The following NAALADL2 variants were observed in gnomAD, a reference collection of about 807,000 sequenced individuals.
The protein encoded by NAALADL2 is inactive N-acetylated-alpha-linked acidic dipeptidase-like protein 2.
Under a neutral mutation model 87.2 loss-of-function variants are expected in NAALADL2, and 76 were observed. The observed-to-expected ratio is 0.87, with a 90% CI of 0.72 to 1.05. The LOEUF is 1.05. Among genes scored for constraint, NAALADL2 ranks in the 50% least tolerant of loss-of-function variants. NAALADL2 has a pLI of 0.00. For synonymous variants in NAALADL2, 354 were observed against 331.0 expected (o/e 1.07, Z -0.75); for missense variants, 1,089 against 945.8 (o/e 1.15, Z -1.99).
intron 3 of NAALADL2, among the ~76,000 whole-genome samples, chr3:175,242,675 C>A (rs1318375875): frequency 6.6e-6 from 1 of 152,050 alleles, no homozygotes; most frequent in Non-Finnish European, 1.5e-5. Flanking sequence ...AGAATATAGC[C>A]AGCTTGGTCT....
At chr3:175,583,681 A>C (rs1188878277) in intron 10 of NAALADL2, among the ~76,000 whole-genome samples, 3 of 152,240 alleles carry the variant, frequency 2.0e-5, no homozygotes, top group Non-Finnish European at 4.4e-5. Context: ...TCAACAAGAC[A>C]ATGTTCAGAG....
chr3:174,753,587 C>A (rs555531524), intron 3 of NAALADL2, among the ~76,000 whole-genome samples: 1 of 152,238 alleles, frequency 6.6e-6, no homozygotes, highest in Non-Finnish European at 1.5e-5. Flanking sequence ...GGAGACCAGA[C>A]AGCTATGCAA....
rs1439981589 is a variant in NAALADL2 at position 174,668,791 on chromosome 3, T to C, written c.-114-68850T>C. 4.6e-5 allele frequency among the ~76,000 whole-genome samples: 7 copies of C among 152,372 alleles called. No homozygotes were observed. The East Asian group carries it at 1.3e-3, about 29-fold the overall frequency. ...GCTGCATAATATTCCATGGTGTATATGTGCCACATTTTCTTAATCCAGTCT... is the reference window on the plus strand; with the variant it reads ...GCTGCATAATATTCCATGGTGTATACGTGCCACATTTTCTTAATCCAGTCT... On this transcript the variant is annotated intron_variant, in intron 2 of 3. Coordinates refer to the NAALADL2 transcript ENST00000434257.
chr3:175,667,141 AAGAG>A (rs370119641), intron 11 of NAALADL2, among the ~76,000 whole-genome samples: 2,410 of 146,366 alleles, frequency 0.016, 37 homozygotes, highest in Admixed American at 0.038. Context: ...GAAAGAAAGA[AAGAG>A]AGAGAGAGAG....
intron 1 of NAALADL2, among the ~76,000 whole-genome samples, chr3:174,535,995 C>T (rs959985354): frequency 2.6e-5 from 4 of 152,006 alleles, no homozygotes; most frequent in African/African-American, 4.8e-5. Flanking sequence ...GCTCATATTA[C>T]AAAGACTAAT....
At chr3:175,275,318 CTTTCTTAATGTTTTTAGGA>C (rs1410535536) in intron 4 of NAALADL2, among the ~76,000 whole-genome samples, 1 of 152,144 alleles carries the variant, frequency 6.6e-6, no homozygotes, top group Non-Finnish European at 1.5e-5. Flanking sequence ...GAATAAGTGA[CTTTCTTAATGTTTTTAGGA>C]TTTCTTAATG....
intron 8 of NAALADL2, among the ~76,000 whole-genome samples, chr3:175,468,812 T>C (rs891849805): frequency 6.6e-6 from 1 of 152,040 alleles, no homozygotes; most frequent in African/African-American, 2.4e-5. Context: ...CATCAGAGCC[T>C]GTGAGTTGAA....
At chr3:174,640,694 TTC>T (rs1578399373) in intron 2 of NAALADL2, among the ~76,000 whole-genome samples, 1 of 152,190 alleles carries the variant, frequency 6.6e-6, no homozygotes, top group Middle Eastern at 3.2e-3. Context: ...CCTTTAGCTT[TTC>T]TGATGCCAGG....
At chr3:174,666,390 A>G (rs914601919) in intron 2 of NAALADL2, among the ~76,000 whole-genome samples, 2 of 152,186 alleles carry the variant, frequency 1.3e-5, no homozygotes, top group African/African-American at 4.8e-5. Flanking sequence ...TTATTTCTAA[A>G]ACTACATTGT....
chr3:175,507,594 T>G (rs1295100720), intron 9 of NAALADL2, among the ~76,000 whole-genome samples: 3 of 152,074 alleles, frequency 2.0e-5, no homozygotes, highest in Non-Finnish European at 2.9e-5. Context: ...AACTAATTTT[T>G]TGTACTTTTA....
At chr3:174,691,424 T>G (rs1728566388) in intron 2 of NAALADL2, among the ~76,000 whole-genome samples, 2 of 129,640 alleles carry the variant, frequency 1.5e-5, no homozygotes, top group Admixed American at 7.7e-5. Context: ...AAAAAATAAT[T>G]AAATAAAACC....
chr3:175,064,008 T>C (rs943389227), intron 1 of NAALADL2, among the ~76,000 whole-genome samples: 2 of 152,124 alleles, frequency 1.3e-5, no homozygotes, highest in East Asian at 3.9e-4. Flanking sequence ...GTCAAAATTC[T>C]GTGATGGGTA....
At chr3:174,688,193 C>G (rs530501890) in intron 2 of NAALADL2, among the ~76,000 whole-genome samples, 58 of 152,268 alleles carry the variant, frequency 3.8e-4, no homozygotes, top group African/African-American at 1.3e-3. Flanking sequence ...TATGTAAAAT[C>G]TGTTGTCTTG....
chr3:175,339,223 G>A (rs1762341611), intron 5 of NAALADL2, among the ~76,000 whole-genome samples: 1 of 152,200 alleles, frequency 6.6e-6, no homozygotes, highest in Non-Finnish European at 1.5e-5. Flanking sequence ...GAAAGATAGA[G>A]AGCCTGTGTG....
At chr3:174,653,623 G>T (rs1318167481) in intron 2 of NAALADL2, among the ~76,000 whole-genome samples, 1 of 152,132 alleles carries the variant, frequency 6.6e-6, no homozygotes, top group Non-Finnish European at 1.5e-5. Context: ...TAAGGTTTTA[G>T]TGGAAGTAGG....
chr3:174,513,480 CCTTAGACTGTAT>C (rs1309068225), intron 1 of NAALADL2: 6 of 151,936 alleles, frequency 3.9e-5, no homozygotes, highest in African/African-American at 1.5e-4. Context: ...TTCAAATATT[CCTTAGACTGTAT>C]CTGTTTGTTT....
chr3:175,762,569 C>T (rs930155253), intron 13 of NAALADL2, among the ~76,000 whole-genome samples: 24 of 152,196 alleles, frequency 1.6e-4, no homozygotes, highest in Middle Eastern at 6.8e-3. Flanking sequence ...TTCCAAAGCT[C>T]CCCCATATCG....
intron 3 of NAALADL2, among the ~76,000 whole-genome samples, chr3:175,246,014 C>T (rs1226337914): frequency 1.3e-5 from 2 of 152,100 alleles, no homozygotes; most frequent in African/African-American, 4.8e-5. Context: ...TGGTTTTCAT[C>T]CTTCAATACA....
At chr3:175,561,054 A>G (rs545600219) in intron 9 of NAALADL2, among the ~76,000 whole-genome samples, 1 of 152,206 alleles carries the variant, frequency 6.6e-6, no homozygotes, top group African/African-American at 2.4e-5. Context: ...GAAAGGTGGA[A>G]AACTGTCTAA....
Sources: gnomAD v4.1 joint callset for allele counts (sites outside exome capture counted in the v4.1 genomes callset) on GRCh38, gnomAD v4.1.1 for gene constraint, MANE v1.5 for transcripts, NCBI Gene and HGNC (gene_info 2026-07-23, HGNC 2026-07-21) for gene names.